TAFA2: variants seen among roughly 807,000 people sequenced by gnomAD.
The protein encoded by TAFA2 is chemokine-like protein TAFA-2.
TAFA2 carries 7 observed loss-of-function variants against 18.8 expected under a neutral mutation model. The observed-to-expected ratio is 0.37, with a 90% CI of 0.21 to 0.70. The LOEUF is 0.70. Among genes scored for constraint, TAFA2 ranks in the 30% least tolerant of loss-of-function variants. TAFA2 has a pLI of 0.53. For synonymous variants in TAFA2, 60 were observed against 54.2 expected (o/e 1.11, Z -0.47); for missense variants, 122 against 158.1 (o/e 0.77, Z 1.23).
chr12:61,781,913 G>A (rs1300288285), intron 2 of TAFA2, among the ~76,000 whole-genome samples: 3 of 151,522 alleles, frequency 2.0e-5, no homozygotes, highest in Admixed American at 6.6e-5. Context: ...AAATTGAAAT[G>A]TATGAGATTT....
chr12:62,209,387 T>A (rs1473222297), intron 1 of TAFA2, among the ~76,000 whole-genome samples: 1 of 152,238 alleles, frequency 6.6e-6, no homozygotes, highest in African/African-American at 2.4e-5. Context: ...CTTCACCTTC[T>A]GCCATGATTG....
At position 61,943,929 on chromosome 12, in the gene TAFA2, A is replaced by C. The variant is rs1376018484; in HGVS notation, c.-1-76503T>G. Among the ~76,000 whole-genome samples, 78 of 144,550 alleles carry C rather than the reference A, an allele frequency of 5.4e-4. 1 individual carries two copies. In the South Asian group the frequency reaches 8.6e-3, roughly 16 times the overall value. 94.8% of individuals were successfully genotyped at this position (144,550 alleles called of 152,430 possible). ...AAGTCAACAAGGATACCCAGGAATTAAACTCAGCTCTGCACCAAGCGGACC... is the reference window on the plus strand; with the variant it reads ...AAGTCAACAAGGATACCCAGGAATTCAACTCAGCTCTGCACCAAGCGGACC... On this transcript the variant is annotated intron_variant, in intron 1 of 4. Coordinates refer to ENST00000416284, the MANE Select transcript of TAFA2 (RefSeq NM_178539.5).
intron 1 of TAFA2, among the ~76,000 whole-genome samples, chr12:61,928,155 C>A (rs7313148): frequency 6.6e-6 from 1 of 152,114 alleles, no homozygotes; most frequent in Non-Finnish European, 1.5e-5. Context: ...CCAAAATTGA[C>A]GAATGGGATC....
chr12:61,932,970 G>C lies in TAFA2; in HGVS notation c.-1-65544C>G, dbSNP rs1877622688. 2.0e-5 allele frequency among the ~76,000 whole-genome samples: 3 copies of C among 152,184 alleles called. No homozygotes were observed. The South Asian group carries it at 6.2e-4, about 31-fold the overall frequency. ...CTTATCCAGCTGCTGTCTCCTGGAA[G>C]TACGGAACTAAGAAAGCCAAGCTAG... is the stretch of plus-strand genomic sequence containing the variant. On this transcript the variant is annotated intron_variant, in intron 1 of 4. Transcript: ENST00000416284.
At chr12:61,788,421 A>C (rs1172724106) in intron 2 of TAFA2, among the ~76,000 whole-genome samples, 2 of 151,786 alleles carry the variant, frequency 1.3e-5, no homozygotes, top group Non-Finnish European at 2.9e-5. Flanking sequence ...TCAACTGTAA[A>C]TGGTACATTC....
intron 1 of TAFA2, among the ~76,000 whole-genome samples, chr12:61,895,026 A>G (rs1875781261): frequency 6.6e-6 from 1 of 152,176 alleles, no homozygotes; most frequent in Admixed American, 6.5e-5. Context: ...TCCTATATGA[A>G]CCCAAAGAAC....
At chr12:62,044,368 G>A (rs559185213) in intron 1 of TAFA2, among the ~76,000 whole-genome samples, 7 of 152,054 alleles carry the variant, frequency 4.6e-5, no homozygotes, top group Non-Finnish European at 1.0e-4. Flanking sequence ...AGTGGTGAGA[G>A]GAAATGGATC....
At chr12:62,234,749 G>C (rs1208854446) in intron 1 of TAFA2, 10 of 1,099,492 alleles carry the variant, frequency 9.1e-6, no homozygotes, top group South Asian at 6.2e-5. Flanking sequence ...CCTGAGGCCT[G>C]GAGTTCTGCT....
intron 4 of TAFA2, among the ~76,000 whole-genome samples, chr12:61,714,790 T>C (rs1869570203): frequency 6.6e-6 from 1 of 152,216 alleles, no homozygotes; most frequent in Non-Finnish European, 1.5e-5. Flanking sequence ...AATCTTAAAA[T>C]TCTTACAATC....
chr12:62,021,372 T>C (rs1053268420), intron 1 of TAFA2, among the ~76,000 whole-genome samples: 4 of 152,116 alleles, frequency 2.6e-5, no homozygotes, highest in African/African-American at 9.7e-5. Context: ...GATTTTGGTG[T>C]ACCCATCACC....
chr12:61,830,077 C>T (rs762556967), intron 2 of TAFA2, among the ~76,000 whole-genome samples: 1 of 151,466 alleles, frequency 6.6e-6, no homozygotes, highest in Non-Finnish European at 1.5e-5. Context: ...CACAGCACTA[C>T]TCATAATAGC....
chr12:62,087,794 G>A (rs1487312776), intron 1 of TAFA2, among the ~76,000 whole-genome samples: 1 of 152,134 alleles, frequency 6.6e-6, no homozygotes, highest in African/African-American at 2.4e-5. Flanking sequence ...GAGGGCAAGA[G>A]TTGAAGCAGA....
intron 1 of TAFA2, among the ~76,000 whole-genome samples, chr12:61,905,395 C>T (rs1169882403): frequency 6.6e-6 from 1 of 152,126 alleles, no homozygotes; most frequent in Non-Finnish European, 1.5e-5. Context: ...ATTACCCTAA[C>T]ATCAAGATTC....
intron 1 of TAFA2, among the ~76,000 whole-genome samples, chr12:61,887,269 T>C (rs10083102): frequency 0.32 from 48,605 of 152,056 alleles, 7,959 homozygotes; most frequent in African/African-American, 0.38. Context: ...TGGAGTACTA[T>C]GTCTACCTTG....
chr12:61,786,121 G>T (rs1719060204), intron 2 of TAFA2, among the ~76,000 whole-genome samples: 1 of 151,556 alleles, frequency 6.6e-6, no homozygotes, highest in Non-Finnish European at 1.5e-5. Flanking sequence ...CATCCACAAA[G>T]ATTAAAAGAA....
At chr12:62,107,483 T>C (rs1452500491) in intron 1 of TAFA2, among the ~76,000 whole-genome samples, 1 of 152,240 alleles carries the variant, frequency 6.6e-6, no homozygotes, top group Non-Finnish European at 1.5e-5. Context: ...TTCTTAATTT[T>C]GGTCTTGTCA....
rs376728541 is a variant in TAFA2 at position 61,793,911 on chromosome 12, A to C, written c.107-38887T>G. Among the ~76,000 whole-genome samples the C allele has an allele frequency of 2.6e-5, 4 of 151,976 alleles. No homozygotes were observed. In the East Asian group the frequency reaches 7.7e-4, roughly 29 times the overall value. On this transcript the variant is annotated intron_variant, in intron 2 of 4. Coordinates refer to ENST00000416284, the MANE Select transcript of TAFA2 (RefSeq NM_178539.5). ...TGACCAAGTTGGGGTTTACTAGTTT[A>C]ATATTTGAAAAATAAAGTAATAACT...
chr12:61,825,471 G>C (rs1003714275), intron 2 of TAFA2, among the ~76,000 whole-genome samples: 1 of 152,116 alleles, frequency 6.6e-6, no homozygotes, highest in Non-Finnish European at 1.5e-5. Flanking sequence ...GTGAAACAGG[G>C]TATTTGAGGA....
chr12:62,070,043 C>G (rs960514088), intron 1 of TAFA2, among the ~76,000 whole-genome samples: 9 of 152,204 alleles, frequency 5.9e-5, no homozygotes, highest in African/African-American at 2.2e-4. Context: ...TGCCTGAGAC[C>G]AGCTCTCAGC....
Sources: gnomAD v4.1 joint callset for allele counts (sites outside exome capture counted in the v4.1 genomes callset) on GRCh38, gnomAD v4.1.1 for gene constraint, MANE v1.5 for transcripts, NCBI Gene and HGNC (gene_info 2026-07-23, HGNC 2026-07-21) for gene names.